TMCO5A: variants seen among roughly 807,000 people sequenced by gnomAD.
TMCO5A encodes transmembrane and coiled-coil domains 5A.
Under a neutral mutation model 42.3 loss-of-function variants are expected in TMCO5A, and 34 were observed. The observed-to-expected ratio is 0.80, with a 90% confidence interval of 0.61 to 1.07. TMCO5A has a LOEUF of 1.07. Among genes scored for constraint, TMCO5A ranks in the 50% least tolerant of loss-of-function variants. TMCO5A has a pLI of 0.00. For missense variants in TMCO5A, 357 were observed against 327.9 expected, an observed-to-expected ratio of 1.09 and a Z score of -0.69; for synonymous variants, 131 against 115.6, an observed-to-expected ratio of 1.13 and a Z score of -0.86.
the TMCO5A span, among the ~76,000 whole-genome samples, chr15:38,031,740 A>T: frequency 1.3e-5 from 2 of 152,152 alleles, no homozygotes; most frequent in African/African-American, 4.8e-5. Flanking sequence ...GCCACTCCAG[A>T]ATAGCTGACT....
the TMCO5A span, among the ~76,000 whole-genome samples, chr15:38,029,874 T>C: frequency 6.6e-6 from 1 of 152,194 alleles, no homozygotes; most frequent in Non-Finnish European, 1.5e-5. Flanking sequence ...TACCATTAAA[T>C]AGGATGCAGT....
intron 9 of TMCO5A, 175 bp from the exon 10 acceptor site, chr15:37,943,166 C>A: frequency 1.9e-6 from 1 of 535,810 alleles, no homozygotes; most frequent in Admixed American, 3.7e-5. Context: ...AAAAGATGTA[C>A]TCAACTGAGG....
intron 9 of TMCO5A, 154 bp downstream of exon 9, chr15:37,942,409 T>C (rs543300457): frequency 1.4e-5 from 9 of 640,578 alleles, no homozygotes; most frequent in Admixed American, 9.8e-5. Context: ...TTGACCCCAG[T>C]AGATCACACC....
chr15:37,950,888 A>G (rs1021756068), intron 11 of TMCO5A, 148 bp from the exon 12 acceptor site: 1 of 648,344 alleles, frequency 1.5e-6, no homozygotes, highest in Non-Finnish European at 2.7e-6. Flanking sequence ...TGGGAGGGGG[A>G]GCTGCCATTA....
chr15:37,971,429 TG>T (rs1180507848), downstream of TMCO5A, among the ~76,000 whole-genome samples: 2 of 152,188 alleles, frequency 1.3e-5, no homozygotes, highest in African/African-American at 4.8e-5. Context: ...TCCAGGCCTG[TG>T]ATTGGAGGGG....
At chr15:37,955,255 TAAAA>T (rs55989832), downstream of TMCO5A, among the ~76,000 whole-genome samples, 1 of 106,266 alleles carries the variant, frequency 9.4e-6, no homozygotes. Context: ...ATTTAAAGAG[TAAAA>T]AAAAAAAAAA....
chr15:37,945,390 C>A (rs1416851730), intron 10 of TMCO5A, among the ~76,000 whole-genome samples: 1 of 152,072 alleles, frequency 6.6e-6, no homozygotes, highest in Non-Finnish European at 1.5e-5. Flanking sequence ...GGTATATACC[C>A]AGTAATGACA....
chr15:38,021,399 A>G, the TMCO5A span, among the ~76,000 whole-genome samples: 1 of 152,036 alleles, frequency 6.6e-6, no homozygotes, highest in Non-Finnish European at 1.5e-5. Context: ...GAAACTCAGC[A>G]TATTTCCACC....
the TMCO5A span, among the ~76,000 whole-genome samples, chr15:37,996,115 GTTCTT>G: frequency 6.6e-6 from 1 of 152,182 alleles, no homozygotes; most frequent in Admixed American, 6.5e-5. Flanking sequence ...CAAAATCACT[GTTCTT>G]TTCAACTCAC....
chr15:37,955,872 G>T (rs527264193), downstream of TMCO5A, among the ~76,000 whole-genome samples: 2 of 152,184 alleles, frequency 1.3e-5, no homozygotes, highest in South Asian at 2.1e-4. Context: ...ATATGCAAAA[G>T]AATGGAAATC....
At chr15:38,002,619 A>C in the TMCO5A span, among the ~76,000 whole-genome samples, 3 of 152,032 alleles carry the variant, frequency 2.0e-5, no homozygotes, top group Non-Finnish European at 2.9e-5. Context: ...TGCTTGATCA[A>C]GTCTACTGTT....
chr15:37,962,345 G>T (rs1173940088), intron 11 of TMCO5A, among the ~76,000 whole-genome samples: 1 of 152,056 alleles, frequency 6.6e-6, no homozygotes, highest in East Asian at 1.9e-4. Context: ...AACCTTTATT[G>T]ACTTGTGTAT....
the TMCO5A span, among the ~76,000 whole-genome samples, chr15:38,039,547 G>A: frequency 6.6e-6 from 1 of 152,194 alleles, no homozygotes; most frequent in Non-Finnish European, 1.5e-5. Context: ...AGCAGACAGA[G>A]TGGAACTCTG....
the TMCO5A span, among the ~76,000 whole-genome samples, chr15:38,032,517 A>C: frequency 5.3e-5 from 8 of 152,332 alleles, no homozygotes; most frequent in East Asian, 1.3e-3. Context: ...TCACTTAGTT[A>C]TTAATACTTA....
the TMCO5A span, among the ~76,000 whole-genome samples, chr15:38,016,741 A>C: frequency 6.6e-6 from 1 of 152,092 alleles, no homozygotes; most frequent in Non-Finnish European, 1.5e-5. Context: ...TGGAAATATC[A>C]CCCTATAATC....
At chr15:38,011,519 G>A in the TMCO5A span, among the ~76,000 whole-genome samples, 2 of 152,158 alleles carry the variant, frequency 1.3e-5, no homozygotes, top group Admixed American at 6.5e-5. Flanking sequence ...CTAGGTCTAA[G>A]GACATTAACT....
chr15:37,937,100 T>G, intron 4 of TMCO5A, 130 bp downstream of exon 4: 1 of 1,418,784 alleles, frequency 7.0e-7, no homozygotes, highest in Non-Finnish European at 9.5e-7. Flanking sequence ...ATGATAAAAT[T>G]TGTCCATGCG....
At chr15:37,997,813 T>C in the TMCO5A span, among the ~76,000 whole-genome samples, 4 of 152,248 alleles carry the variant, frequency 2.6e-5, no homozygotes, top group Non-Finnish European at 5.9e-5. Context: ...GATGTACTAA[T>C]ACACATTCAC....
chr15:37,956,975 AC>A (rs1448248832), intron 11 of TMCO5A, among the ~76,000 whole-genome samples: 2 of 152,192 alleles, frequency 1.3e-5, no homozygotes, highest in Non-Finnish European at 2.9e-5. Flanking sequence ...CATAAACAGA[AC>A]CAATGACAAA....
Sources: allele counts gnomAD v4.1 joint callset (sites outside exome capture counted in the v4.1 genomes callset), GRCh38; gene constraint gnomAD v4.1.1; transcripts MANE v1.5; gene names NCBI Gene and HGNC (gene_info 2026-07-23, HGNC 2026-07-21).